The following ZNF480 variants were observed in gnomAD, a reference collection of about 807,000 sequenced individuals.
ZNF480 encodes the protein zinc finger protein 480.
Under a neutral mutation model 14.4 loss-of-function variants are expected in ZNF480, and 15 were observed. The observed-to-expected ratio is 1.04, with a 90% CI of 0.70 to 1.60. The LOEUF (loss-of-function observed/expected upper bound fraction) is 1.60. ZNF480 is among the 40% of genes most tolerant of loss of function. The pLI is 0.00. For synonymous variants in ZNF480, 218 were observed against 215.5 expected, an observed-to-expected ratio of 1.01 and a Z score of -0.10; for missense variants, 593 against 629.7, an observed-to-expected ratio of 0.94 and a Z score of 0.62.
chr19:52,303,755 A>C (rs1295748861), intron 2 of ZNF480, among the ~76,000 whole-genome samples: 1 of 152,214 alleles, frequency 6.6e-6, no homozygotes, highest in East Asian at 1.9e-4. Context: ...AAGGATAGAA[A>C]ATAGATTACT....
chr19:52,321,879 A>G lies in ZNF480; in HGVS notation c.629A>G (p.Lys210Arg). The change falls in exon 5 of 5, where the codon AAA becomes AGA. Residue 210 changes from lysine to arginine, a missense_variant. By Grantham distance (26) the Lys-to-Arg change is conservative. Transcript: ENST00000595962. ...CCTTATGAATGTAATGAGCATAGCAAAGTCTTTAGAGTATCTTCCAGCCTT... is the reference window on the plus strand; with the variant it reads ...CCTTATGAATGTAATGAGCATAGCAGAGTCTTTAGAGTATCTTCCAGCCTT... ...EKPYECNEHS[K>R]VFRVSSSLTK... is the part of the protein sequence containing the mutation. 3 of 1,614,172 alleles carry G rather than the reference A, an allele frequency of 1.9e-6. No individual in the cohort carries two copies. The highest frequency in any genetic ancestry group is 2.5e-6 in the Non-Finnish European group (3 of 1,180,016).
intron 2 of ZNF480, among the ~76,000 whole-genome samples, chr19:52,309,547 T>G (rs1038118641): frequency 9.9e-5 from 15 of 152,220 alleles, no homozygotes; most frequent in Non-Finnish European, 2.2e-4. Flanking sequence ...AACTTGTCCC[T>G]TAGGCAGTTC....
At chr19:52,309,572 A>C (rs1180092332) in intron 2 of ZNF480, among the ~76,000 whole-genome samples, 1 of 152,226 alleles carries the variant, frequency 6.6e-6, no homozygotes, top group Non-Finnish European at 1.5e-5. Context: ...AAAAGTCAGA[A>C]GGTTGGATAG....
In ZNF480 at chr19:52,322,829, G is replaced by A; in HGVS notation, c.1579G>A (p.Ala527Thr). Reference sequence around the variant, plus strand: ...GGCCTTTAGTCGCATTTCATACCTAGCACAACATTGGACAATTCATATGGG... The same window carrying A: ...GGCCTTTAGTCGCATTTCATACCTAACACAACATTGGACAATTCATATGGG... ...GKAFSRISYL[A>T]QHWTIHMG The change falls in exon 5 of 5, where the codon GCA becomes ACA. Residue 527 changes from alanine to threonine, a missense_variant. Ala to Thr is a moderately conservative substitution (Grantham distance 58). Transcript: ENST00000595962. 3 of 1,599,774 alleles carry A rather than the reference G, an allele frequency of 1.9e-6. No individual in the cohort carries two copies. The highest frequency in any genetic ancestry group is 2.6e-6 in the Non-Finnish European group (3 of 1,171,534).
chr19:52,319,840 T>TA (rs1983731685), intron 4 of ZNF480, among the ~76,000 whole-genome samples: 1 of 148,944 alleles, frequency 6.7e-6, no homozygotes, highest in South Asian at 2.1e-4. Flanking sequence ...TTTTTTAAAT[T>TA]AGAGTCTTGC....
Position 52,322,095 on chromosome 19 carries a change from C to A in ZNF480, c.845C>A (p.Thr282Asn). 1 of 1,613,920 alleles carries A rather than the reference C, an allele frequency of 6.2e-7. No homozygotes were observed. Among genetic ancestry groups the A allele is most frequent in the South Asian group, 1.1e-5 (1 of 91,072 alleles). Residue 282 changes from threonine (T) to asparagine (N), a missense_variant, in exon 5 of 5, where the codon ACC becomes AAC. Thr to Asn is a moderately conservative substitution (Grantham distance 65). Transcript: ENST00000595962. ...SNFARHQRIH[T>N]REKPYECNEC... ...TTTGCACGACATCAAAGAATTCATA[C>A]CAGAGAGAAGCCGTATGAATGTAAT...
intron 4 of ZNF480, among the ~76,000 whole-genome samples, chr19:52,317,861 AT>A (rs963442917): frequency 6.6e-6 from 1 of 151,840 alleles, no homozygotes; most frequent in South Asian, 2.1e-4. Context: ...CTGGTGTTTC[AT>A]TTTTTTCCCT....
chr19:52,316,344 A>C (rs146312340), intron 4 of ZNF480, among the ~76,000 whole-genome samples: 1 of 152,058 alleles, frequency 6.6e-6, no homozygotes, highest in East Asian at 1.9e-4. Flanking sequence ...CTGCTACCTC[A>C]GCCTTCCAGG....
intron 2 of ZNF480, among the ~76,000 whole-genome samples, chr19:52,305,966 T>C (rs1281963518): frequency 6.6e-6 from 1 of 152,098 alleles, no homozygotes; most frequent in Non-Finnish European, 1.5e-5. Flanking sequence ...GACTTGCTGG[T>C]TTTTTCTACA....
intron 1 of ZNF480, among the ~76,000 whole-genome samples, chr19:52,300,061 C>T (rs759990932): frequency 6.6e-6 from 1 of 152,118 alleles, no homozygotes; most frequent in Non-Finnish European, 1.5e-5. Flanking sequence ...TTACATGAGC[C>T]TGGGATCCAT....
chr19:52,302,499 C>T (rs371660405), intron 2 of ZNF480, among the ~76,000 whole-genome samples: 14 of 152,152 alleles, frequency 9.2e-5, no homozygotes, highest in African/African-American at 1.7e-4. Context: ...TTGGCTAGTA[C>T]GGCCTTGGGT....
chr19:52,310,359 C>A (rs995737143), intron 2 of ZNF480, among the ~76,000 whole-genome samples: 2 of 152,070 alleles, frequency 1.3e-5, no homozygotes, highest in Non-Finnish European at 2.9e-5. Flanking sequence ...CTGCACCAGG[C>A]TAATATATTC....
At chr19:52,299,836 G>A (rs990123094) in intron 1 of ZNF480, among the ~76,000 whole-genome samples, 5 of 152,172 alleles carry the variant, frequency 3.3e-5, no homozygotes, top group African/African-American at 4.8e-5. Flanking sequence ...TGGGATTATA[G>A]GTGTGTGCCA....
At chr19:52,302,698 C>T (rs1385363911) in intron 2 of ZNF480, among the ~76,000 whole-genome samples, 1 of 152,170 alleles carries the variant, frequency 6.6e-6, no homozygotes, top group Non-Finnish European at 1.5e-5. Context: ...ATTTGCCAAA[C>T]AGAATTAGGT....
chr19:52,323,050 A>G lies in ZNF480; in HGVS notation c.*192A>G, dbSNP rs1045345240. The G allele has an allele frequency of 1.3e-5, 6 of 459,838 alleles. No individual in the cohort carries two copies. Among genetic ancestry groups the G allele is most frequent in the Non-Finnish European group, 2.2e-5 (6 of 273,018 alleles). The allele number at this position is 459,838 out of a possible 1,614,324, so 28.5% of individuals were successfully genotyped here. A position where few individuals can be genotyped will look rare whatever the true frequency, so the allele number is the denominator to read the frequency against. ...CTTCACAATTATAATAAATGTGTGG[A>G]AAAGTCTTCAAAAAAATTTCACACC... On this transcript the variant is annotated 3_prime_UTR_variant, in exon 5 of 5. Transcript: ENST00000595962.
intron 2 of ZNF480, among the ~76,000 whole-genome samples, chr19:52,311,175 T>C (rs1983267305): frequency 6.6e-6 from 1 of 151,952 alleles, no homozygotes; most frequent in Non-Finnish European, 1.5e-5. Context: ...AGATAAATTT[T>C]ATGGACATAA....
chr19:52,305,722 T>C (rs1223541753), intron 2 of ZNF480, among the ~76,000 whole-genome samples: 1 of 152,154 alleles, frequency 6.6e-6, no homozygotes, highest in African/African-American at 2.4e-5. Flanking sequence ...AGCATAAATC[T>C]ACTACCAGCT....
chr19:52,314,059 T>C (rs1330521958), intron 2 of ZNF480, 94 bp from the exon 3 acceptor site: 1 of 1,341,618 alleles, frequency 7.5e-7, no homozygotes, highest in Non-Finnish European at 1.0e-6. Context: ...AACATTCTCT[T>C]CAATCCAGTT....
intron 2 of ZNF480, among the ~76,000 whole-genome samples, chr19:52,311,592 A>G (rs1240335309): frequency 6.6e-6 from 1 of 152,242 alleles, no homozygotes; most frequent in African/African-American, 2.4e-5. Context: ...TATAAACTCA[A>G]TTGAGTACAA....
Sources: allele counts gnomAD v4.1 joint callset (sites outside exome capture counted in the v4.1 genomes callset), GRCh38; gene constraint gnomAD v4.1.1; transcripts MANE v1.5; gene names NCBI Gene and HGNC (gene_info 2026-07-23, HGNC 2026-07-21).